The following AMZ1 variants were observed in gnomAD, a reference collection of about 807,000 sequenced individuals.
AMZ1 encodes archaemetzincin-1.
Under a neutral mutation model 29.9 loss-of-function variants are expected in AMZ1, and 39 were observed. That is an observed-to-expected ratio of 1.30 (90% CI 1.01 to 1.70). The LOEUF is 1.70. Ranked by LOEUF, AMZ1 falls within the 40% of genes most tolerant of loss-of-function variation. The probability of loss-of-function intolerance (pLI) is 0.00; values close to 1 mark genes in which losing one functional copy is unlikely to be tolerated. For missense variants in AMZ1, 1,041 were observed against 680.6 expected (o/e 1.53, Z -5.89); for synonymous variants, 458 against 304.0 (o/e 1.51, Z -5.27).
rs1353995328 is a variant in AMZ1 at position 2,718,407 on chromosome 7, G to C, written c.*5529G>C. Among the ~76,000 whole-genome samples, 2 of 152,170 alleles carry C rather than the reference G, an allele frequency of 1.3e-5. No individual in the cohort carries two copies. Among genetic ancestry groups the C allele is most frequent in the Non-Finnish European group, 2.9e-5 (2 of 68,018 alleles). ...AGTCCAAGACCATCTCCCGTTCAAGGGCCCTCACCGCGCTTTGTGAGTCTG... is the reference window on the plus strand; with the variant it reads ...AGTCCAAGACCATCTCCCGTTCAAGCGCCCTCACCGCGCTTTGTGAGTCTG... On this transcript the variant is annotated 3_prime_UTR_variant, in exon 7 of 7. Coordinates refer to ENST00000683327, the MANE Select transcript of AMZ1 (RefSeq NM_001384743.1).
At chr7:2,749,028 T>C (rs1790900317) in intron 4 of AMZ1, among the ~76,000 whole-genome samples, 1 of 152,102 alleles carries the variant, frequency 6.6e-6, no homozygotes, top group South Asian at 2.1e-4. Flanking sequence ...CTGGAGAGGA[T>C]GTGGAGAAAT....
chr7:2,685,855 G>GA (rs10710624), upstream of AMZ1, among the ~76,000 whole-genome samples: 401 of 86,720 alleles, frequency 4.6e-3, 5 homozygotes, highest in African/African-American at 0.01. Context: ...TCCGTCTCAA[G>GA]AAAAAAAAAA....
chr7:2,690,987 C>A (rs1328436165), intron 1 of AMZ1, among the ~76,000 whole-genome samples: 1 of 151,742 alleles, frequency 6.6e-6, no homozygotes, highest in African/African-American at 2.4e-5. Flanking sequence ...CTAAAGATAA[C>A]AAAATTAGCC....
intron 4 of AMZ1, among the ~76,000 whole-genome samples, chr7:2,744,609 C>T (rs1351477607): frequency 6.6e-6 from 1 of 152,190 alleles, no homozygotes. Flanking sequence ...AAAATCAGAG[C>T]ACCTCTCCTC....
intron 4 of AMZ1, among the ~76,000 whole-genome samples, chr7:2,745,120 C>CT (rs1790703689): frequency 6.6e-6 from 1 of 152,144 alleles, no homozygotes; most frequent in African/African-American, 2.4e-5. Flanking sequence ...GGAAAACTTC[C>CT]CCAATCTAGC....
intron 4 of AMZ1, among the ~76,000 whole-genome samples, chr7:2,752,196 T>C (rs149097064): frequency 1.1e-4 from 17 of 152,046 alleles, no homozygotes; most frequent in African/African-American, 3.6e-4. Context: ...AATGTTTCAA[T>C]AGATGCAGAA....
In AMZ1 at chr7:2,713,870, CAGTA is replaced by C. The variant is rs1788959575; in HGVS notation, c.*993_*996del. ...TTCTTGGCAAAGGTGGCCGCGCTGT[CAGTA>C]CCAAGTAGCTGGAGGTGGTGATCAG... On this transcript the variant is annotated 3_prime_UTR_variant, in exon 7 of 7. Coordinates refer to ENST00000683327, the MANE Select transcript of AMZ1 (RefSeq NM_001384743.1). 1 of 152,250 alleles carries C rather than the reference CAGTA, an allele frequency of 6.6e-6. No homozygotes were observed. Among genetic ancestry groups the C allele is most frequent in the Non-Finnish European group, 1.5e-5 (1 of 68,046 alleles). 9.4% of individuals were successfully genotyped at this position (152,250 alleles called of 1,614,324 possible).
chr7:2,759,646 T>C (rs1188014553), upstream of AMZ1, among the ~76,000 whole-genome samples: 3 of 152,228 alleles, frequency 2.0e-5, no homozygotes, highest in African/African-American at 7.2e-5. Context: ...TCAGAGGTGT[T>C]TGTTCATGCT....
intron 4 of AMZ1, among the ~76,000 whole-genome samples, chr7:2,746,697 A>C (rs535399651): frequency 1.3e-5 from 2 of 152,182 alleles, no homozygotes; most frequent in Non-Finnish European, 2.9e-5. Context: ...ATAGAGACAC[A>C]AAAAACCCTT....
At chr7:2,749,626 C>T (rs1053968523) in intron 4 of AMZ1, among the ~76,000 whole-genome samples, 3 of 151,628 alleles carry the variant, frequency 2.0e-5, no homozygotes, top group Admixed American at 6.6e-5. Context: ...CAAACCTGCA[C>T]GTTGTGCACA....
upstream of AMZ1, among the ~76,000 whole-genome samples, chr7:2,685,559 CAA>C (rs56989894): frequency 1.3e-4 from 15 of 118,728 alleles, no homozygotes; most frequent in African/African-American, 2.9e-4. Context: ...GACTCCGTCT[CAA>C]AAAAAAAAAA....
upstream of AMZ1, among the ~76,000 whole-genome samples, chr7:2,686,587 G>C (rs545712787): frequency 3.3e-5 from 5 of 152,184 alleles, no homozygotes; most frequent in East Asian, 9.8e-4. Context: ...CGATCAGAAG[G>C]ATGTCTGACA....
intron 4 of AMZ1, among the ~76,000 whole-genome samples, chr7:2,742,401 G>A (rs1218027926): frequency 6.6e-6 from 1 of 152,046 alleles, no homozygotes; most frequent in Admixed American, 6.6e-5. Flanking sequence ...TGACAGTTTC[G>A]AGATGATTTT....
intron 4 of AMZ1, among the ~76,000 whole-genome samples, chr7:2,753,353 G>A (rs1218915375): frequency 6.6e-6 from 1 of 152,162 alleles, no homozygotes; most frequent in Non-Finnish European, 1.5e-5. Flanking sequence ...ATCTTGCTAT[G>A]TTGTCCAGGC....
upstream of AMZ1, chr7:2,762,549 G>C (rs187896591): frequency 1.5e-6 from 2 of 1,335,786 alleles, no homozygotes; most frequent in Non-Finnish European, 1.0e-6. Context: ...TTCTATTCTG[G>C]AGTTAGATCC....
chr7:2,729,230 T>C (rs798532), intron 4 of AMZ1: 110,598 of 152,310 alleles, frequency 0.73, 40,640 homozygotes, highest in African/African-American at 0.79. Context: ...CAGCGAAAGC[T>C]GACCCAGAAG....
chr7:2,736,893 G>C (rs1161323033), intron 4 of AMZ1, among the ~76,000 whole-genome samples: 1 of 152,188 alleles, frequency 6.6e-6, no homozygotes, highest in Non-Finnish European at 1.5e-5. Flanking sequence ...TTAGGACCAC[G>C]AGAAAAGAGC....
chr7:2,696,227 A>G (rs1019859565), intron 1 of AMZ1, among the ~76,000 whole-genome samples: 2 of 150,610 alleles, frequency 1.3e-5, no homozygotes, highest in African/African-American at 4.9e-5. Flanking sequence ...CCTGCCTGGA[A>G]CACAGTGCGG....
chr7:2,758,839 G>A (rs890289933), intron 4 of AMZ1, among the ~76,000 whole-genome samples: 12 of 152,166 alleles, frequency 7.9e-5, no homozygotes, highest in East Asian at 3.9e-4. Context: ...GGTTATCACC[G>A]CATGTATCAA....
Sources: gnomAD v4.1 joint callset for allele counts (sites outside exome capture counted in the v4.1 genomes callset) on GRCh38, gnomAD v4.1.1 for gene constraint, MANE v1.5 for transcripts, NCBI Gene and HGNC (gene_info 2026-07-23, HGNC 2026-07-21) for gene names.